GRM7: variants seen among roughly 807,000 people sequenced by gnomAD.
GRM7 encodes the protein glutamate metabotropic receptor 7.
In GRM7, 35 loss-of-function variants were observed where a neutral mutation model predicts 84.5. The ratio of observed to expected loss-of-function variants is 0.41; its 90% CI spans 0.32 to 0.55. The LOEUF (loss-of-function observed/expected upper bound fraction) is 0.55, where lower values mean the gene tolerates loss of function less well. Ranked by LOEUF, GRM7 falls within the 20% of genes least tolerant of loss-of-function variation. GRM7 has a pLI of 0.19. For missense variants in GRM7, 1,003 were observed against 1,194.6 expected (o/e 0.84, Z 2.36); for synonymous variants, 487 against 455.1 (o/e 1.07, Z -0.89).
At chr3:7,471,473 C>T (rs1698698495) in intron 7 of GRM7, among the ~76,000 whole-genome samples, 1 of 152,184 alleles carries the variant, frequency 6.6e-6, no homozygotes. Context: ...CAGCTTCTGG[C>T]ACCTTGACCT....
At chr3:7,195,877 T>C (rs1277253405) in intron 2 of GRM7, among the ~76,000 whole-genome samples, 4 of 152,116 alleles carry the variant, frequency 2.6e-5, no homozygotes, top group Non-Finnish European at 5.9e-5. Flanking sequence ...AAAAATAAAA[T>C]GTATAAACTT....
At chr3:7,295,277 T>C (rs2125016605) in intron 2 of GRM7, among the ~76,000 whole-genome samples, 1 of 152,290 alleles carries the variant, frequency 6.6e-6, no homozygotes, top group Admixed American at 6.5e-5. Context: ...TTCCTTTGCA[T>C]GTTAGCCAAC....
chr3:7,531,787 C>A (rs1701046401), intron 7 of GRM7, among the ~76,000 whole-genome samples: 1 of 152,036 alleles, frequency 6.6e-6, no homozygotes, highest in Admixed American at 6.6e-5. Flanking sequence ...TATTTGAATA[C>A]CCTTTATTTC....
At chr3:6,975,902 G>T (rs1387104391) in intron 1 of GRM7, among the ~76,000 whole-genome samples, 1 of 152,102 alleles carries the variant, frequency 6.6e-6, no homozygotes, top group Non-Finnish European at 1.5e-5. Context: ...AATGACCTCA[G>T]TCACAGAAGG....
chr3:7,590,618 T>C (rs1248967219), intron 8 of GRM7, among the ~76,000 whole-genome samples: 3 of 152,130 alleles, frequency 2.0e-5, no homozygotes, highest in African/African-American at 7.2e-5. Flanking sequence ...GTCTTGCTGG[T>C]AGTATTTCTG....
intron 2 of GRM7, among the ~76,000 whole-genome samples, chr3:7,247,559 A>G (rs1575077577): frequency 6.7e-6 from 1 of 148,666 alleles, no homozygotes. Context: ...TGATTGTGCC[A>G]CTCCAGCCTG....
chr3:7,644,513 C>A (rs183214387), intron 8 of GRM7, among the ~76,000 whole-genome samples: 1 of 152,076 alleles, frequency 6.6e-6, no homozygotes, highest in South Asian at 2.1e-4. Flanking sequence ...TTAAATAATT[C>A]AATTCCCTCT....
At chr3:7,332,525 A>T (rs1283754538) in intron 4 of GRM7, among the ~76,000 whole-genome samples, 1 of 152,168 alleles carries the variant, frequency 6.6e-6, no homozygotes, top group African/African-American at 2.4e-5. Context: ...TTATATATGA[A>T]TGAATATCAG....
rs577852756 is a variant in GRM7 at position 7,605,399 on chromosome 3, G to A, written c.2451+26042G>A. Among the ~76,000 whole-genome samples, 5 of 152,202 alleles carry A rather than the reference G, an allele frequency of 3.3e-5. No homozygotes were observed. The South Asian group carries it at 1.0e-3, about 31-fold the overall frequency. On this transcript the variant is annotated intron_variant, in intron 8 of 9. Transcript: ENST00000357716. ...CGAGATAATAAAGACAATCAAAAAT[G>A]TTTTTGATAAAATGTCTTTTAGAAT...
At chr3:7,671,545 G>A (rs192390169) in intron 8 of GRM7, among the ~76,000 whole-genome samples, 11 of 151,030 alleles carry the variant, frequency 7.3e-5, no homozygotes, top group Admixed American at 5.3e-4. Flanking sequence ...ATGTCTGCCT[G>A]GAGATGTTAA....
At chr3:7,094,231 A>G (rs868429161) in intron 1 of GRM7, among the ~76,000 whole-genome samples, 1 of 152,198 alleles carries the variant, frequency 6.6e-6, no homozygotes, top group Admixed American at 6.5e-5. Context: ...CTGGAAAAAA[A>G]CCCACAATTT....
chr3:7,128,123 G>A (rs1243888919), intron 1 of GRM7, among the ~76,000 whole-genome samples: 3 of 151,426 alleles, frequency 2.0e-5, no homozygotes, highest in Non-Finnish European at 4.4e-5. Context: ...TAATATTTAT[G>A]TGGGTCCCTT....
intron 1 of GRM7, among the ~76,000 whole-genome samples, chr3:7,142,023 T>TA (rs887163854): frequency 1.2e-3 from 179 of 152,188 alleles, no homozygotes; most frequent in African/African-American, 4.1e-3. Flanking sequence ...TACTCATGAG[T>TA]ATGTATAAAG....
chr3:7,051,510 C>A (rs545735454), intron 1 of GRM7, among the ~76,000 whole-genome samples: 29 of 151,784 alleles, frequency 1.9e-4, no homozygotes, highest in Non-Finnish European at 2.9e-4. Context: ...GAGACTCTAG[C>A]TGTGGAACAT....
intron 8 of GRM7, among the ~76,000 whole-genome samples, chr3:7,594,413 G>C (rs1695941262): frequency 6.6e-6 from 1 of 152,114 alleles, no homozygotes; most frequent in Non-Finnish European, 1.5e-5. Context: ...ACTGCACCCT[G>C]TAGCCCTGCC....
At chr3:7,006,003 G>A (rs1695171294) in intron 1 of GRM7, among the ~76,000 whole-genome samples, 1 of 152,048 alleles carries the variant, frequency 6.6e-6, no homozygotes, top group African/African-American at 2.4e-5. Flanking sequence ...CAAACCATAT[G>A]GCTAAGATAG....
At position 7,432,785 on chromosome 3, in the gene GRM7, A is replaced by T. The variant is rs78703782; in HGVS notation, c.1174+17622A>T. 2.6e-3 allele frequency among the ~76,000 whole-genome samples: 392 copies of T among 152,342 alleles called. 1 individual carries two copies. Among genetic ancestry groups the T allele is most frequent in the African/African-American group, 7.7e-3 (320 of 41,586 alleles). On this transcript the variant is annotated intron_variant, in intron 5 of 9. Coordinates refer to ENST00000357716, the MANE Select transcript of GRM7 (RefSeq NM_000844.4). The stretch of plus-strand genomic sequence containing the variant: ...GGATGGGTTAAAAAAGATTAGACAC[A>T]GTCAAAGAGAGAATGCTTGAACTGG...
intron 1 of GRM7, among the ~76,000 whole-genome samples, chr3:6,942,763 T>C (rs1162269221): frequency 1.3e-5 from 2 of 152,224 alleles, no homozygotes; most frequent in African/African-American, 4.8e-5. Context: ...ATGGATCATA[T>C]GGTAAGAATA....
At chr3:7,609,636 G>C (rs1185023326) in intron 8 of GRM7, among the ~76,000 whole-genome samples, 1 of 152,058 alleles carries the variant, frequency 6.6e-6, no homozygotes, top group Non-Finnish European at 1.5e-5. Flanking sequence ...GATATAAATG[G>C]AGTAAATGAA....
Sources: allele counts gnomAD v4.1 joint callset (sites outside exome capture counted in the v4.1 genomes callset), GRCh38; gene constraint gnomAD v4.1.1; transcripts MANE v1.5; gene names NCBI Gene and HGNC (gene_info 2026-07-23, HGNC 2026-07-21).